ZNF287: variants seen among roughly 807,000 people sequenced by gnomAD.
The protein encoded by ZNF287 is zinc finger protein with KRAB and SCAN domains 13.
ZNF287 carries 31 observed loss-of-function variants against 73.7 expected under a neutral mutation model. The ratio of observed to expected loss-of-function variants is 0.42; its 90% CI spans 0.32 to 0.57. ZNF287 has a LOEUF of 0.57. Among genes scored for constraint, ZNF287 ranks in the 20% least tolerant of loss-of-function variants. The pLI is 0.13. For missense variants in ZNF287, 641 were observed against 909.3 expected (o/e 0.70, Z 3.79); for synonymous variants, 301 against 307.2 (o/e 0.98, Z 0.21).
At chr17:16,557,273 A>C (rs908571752) in intron 5 of ZNF287, among the ~76,000 whole-genome samples, 1 of 152,184 alleles carries the variant, frequency 6.6e-6, no homozygotes, top group Non-Finnish European at 1.5e-5. Context: ...GTTGGTTAAT[A>C]AGGACAAACA....
intron 3 of ZNF287, 53 bp from the exon 4 acceptor site, chr17:16,563,878 C>T: frequency 5.7e-6 from 9 of 1,583,998 alleles, no homozygotes; most frequent in Non-Finnish European, 7.7e-6. Flanking sequence ...GCAAAGGGGA[C>T]ACTGATAACA....
At position 16,550,449 on chromosome 17, in the gene ZNF287, C is replaced by T. The variant is rs1263725381; in HGVS notation, c.*1407G>A. On this transcript the variant is annotated 3_prime_UTR_variant, in exon 6 of 6. Transcript: ENST00000395825. ...TTTCCTCACTCCACTAAAATTTCACCTTTTCCCCGACCCACATTCTGCAGT... is the reference window on the plus strand; with the variant it reads ...TTTCCTCACTCCACTAAAATTTCACTTTTTCCCCGACCCACATTCTGCAGT... Among the ~76,000 whole-genome samples the T allele has an allele frequency of 6.6e-6, 1 of 152,104 alleles. No homozygotes were observed. Among genetic ancestry groups the T allele is most frequent in the African/African-American group, 2.4e-5 (1 of 41,424 alleles).
At position 16,550,132 on chromosome 17, in the gene ZNF287, G is replaced by T. The variant is rs1258059451; in HGVS notation, c.*1724C>A. Among the ~76,000 whole-genome samples the T allele has an allele frequency of 6.6e-6, 1 of 152,008 alleles. No individual in the cohort carries two copies. Among genetic ancestry groups the T allele is most frequent in the Non-Finnish European group, 1.5e-5 (1 of 67,962 alleles). On this transcript the variant is annotated 3_prime_UTR_variant, in exon 6 of 6. Transcript: ENST00000395825. ...ATAGTATTTTTATCTATTTCTATTT[G>T]CATTTCTGCCAGTTTTCCTTTTGAG... is the stretch of plus-strand genomic sequence containing the variant.
rs1344105691 is a variant in ZNF287, at chr17:16,549,455, A to G, written c.*2401T>C. On this transcript the variant is annotated 3_prime_UTR_variant, in exon 6 of 6. Coordinates refer to ENST00000395825, the MANE Select transcript of ZNF287 (RefSeq NM_020653.4). ...GAAATAAGTGCTGTGTGAGGGATGA[A>G]GCAGCATCAAAAAAATAAGATTTTC... is the stretch of plus-strand genomic sequence containing the variant. 2.0e-5 allele frequency among the ~76,000 whole-genome samples: 3 copies of G among 152,218 alleles called. No individual in the cohort carries two copies. The highest frequency in any genetic ancestry group is 4.8e-5 in the African/African-American group (2 of 41,448).
At position 16,551,859 on chromosome 17, in the gene ZNF287, A is replaced by T. The variant is rs1906684555; in HGVS notation, c.2283T>A (p.Asn761Lys). Residue 761 changes from asparagine (N) to lysine (K), a missense_variant, in exon 6 of 6, where the codon AAT becomes AAA. Physicochemically the swap from Asn to Lys is moderately conservative, Grantham distance 94. Transcript: ENST00000395825. ...QRVHTGAKHR[N>K] ...GAATTGAAGTTTCCCTTATCCATTAATTACGATGTTTGGCACCTGTATGAA... is the reference window on the plus strand; with the variant it reads ...GAATTGAAGTTTCCCTTATCCATTATTTACGATGTTTGGCACCTGTATGAA... The T allele has an allele frequency of 6.4e-7, 1 of 1,572,270 alleles. No individual in the cohort carries two copies. The highest frequency in any genetic ancestry group is 8.6e-7 in the Non-Finnish European group (1 of 1,159,402).
intron 5 of ZNF287, among the ~76,000 whole-genome samples, chr17:16,557,465 C>T (rs1951309753): frequency 1.3e-5 from 2 of 152,212 alleles, no homozygotes; most frequent in South Asian, 4.1e-4. Context: ...GGCCATCAAA[C>T]CAATACTACT....
chr17:16,547,682 T>C lies in ZNF287; in HGVS notation c.*4174A>G, dbSNP rs750564077. Among the ~76,000 whole-genome samples, 1 of 152,162 alleles carries C rather than the reference T, an allele frequency of 6.6e-6. No homozygotes were observed. Among genetic ancestry groups the C allele is most frequent in the Non-Finnish European group, 1.5e-5 (1 of 68,016 alleles). On this transcript the variant is annotated 3_prime_UTR_variant, in exon 6 of 6. Transcript: ENST00000395825. The stretch of plus-strand genomic sequence containing the variant: ...TAGTGCCCAGATCTTGGTTTCTAAA[T>C]AGCTACCTATTAAAAGGAGCCAGGG...
chr17:16,562,447 C>T (rs1215836089), intron 5 of ZNF287, among the ~76,000 whole-genome samples: 3 of 152,154 alleles, frequency 2.0e-5, no homozygotes, highest in Admixed American at 1.3e-4. Context: ...TTTATTGCCA[C>T]GCTTTTATCC....
chr17:16,555,176 T>C (rs887328333), intron 5 of ZNF287, among the ~76,000 whole-genome samples: 1 of 152,146 alleles, frequency 6.6e-6, no homozygotes, highest in Non-Finnish European at 1.5e-5. Context: ...CTAGATGATA[T>C]ATATGTATAT....
In ZNF287 at chr17:16,549,629, T is replaced by C. The variant is rs1353912749; in HGVS notation, c.*2227A>G. 2.0e-5 allele frequency among the ~76,000 whole-genome samples: 3 copies of C among 152,192 alleles called. No homozygotes were observed. The highest frequency in any genetic ancestry group is 2.9e-5 in the Non-Finnish European group (2 of 68,026). ...TTTTTAAAGAAAACACTCAATAATA[T>C]AGCCTTTAGGATACTAGCATCCTGG... On this transcript the variant is annotated 3_prime_UTR_variant, in exon 6 of 6. Coordinates refer to ENST00000395825, the MANE Select transcript of ZNF287 (RefSeq NM_020653.4).
At chr17:16,568,290 A>G (rs1597476326) in intron 1 of ZNF287, among the ~76,000 whole-genome samples, 1 of 152,160 alleles carries the variant, frequency 6.6e-6, no homozygotes. Context: ...AACAATAACA[A>G]AGTGAATCTG....
At chr17:16,561,743 G>T (rs1488325956) in intron 5 of ZNF287, among the ~76,000 whole-genome samples, 2 of 151,948 alleles carry the variant, frequency 1.3e-5, no homozygotes, top group African/African-American at 4.8e-5. Context: ...AAGAAAAAAG[G>T]CTGGGCAACA....
At chr17:16,553,452 T>C in intron 5 of ZNF287, 26 bp from the exon 6 acceptor site, 4 of 1,432,618 alleles carry the variant, frequency 2.8e-6, no homozygotes, top group African/African-American at 1.5e-5. Context: ...TATTAAAAAA[T>C]CTTCATTTAT....
Position 16,550,068 on chromosome 17 carries a change from T to TTA in ZNF287, c.*1786_*1787dup, listed in dbSNP as rs1233556807. Reference sequence around the variant, plus strand: ...AAATCTCAGTTCTCAGAATATGGCCTTATATTCTGGTAGTGGAATGCTGTA... The same window carrying TTA: ...AAATCTCAGTTCTCAGAATATGGCCTTATATATTCTGGTAGTGGAATGCTGTA... On this transcript the variant is annotated 3_prime_UTR_variant, in exon 6 of 6. Transcript: ENST00000395825. Among the ~76,000 whole-genome samples, 1 of 152,182 alleles carries TTA rather than the reference T, an allele frequency of 6.6e-6. No homozygotes were observed. Among genetic ancestry groups the TTA allele is most frequent in the East Asian group, 1.9e-4 (1 of 5,202 alleles).
At chr17:16,563,996 T>C (rs2142499484) in intron 3 of ZNF287, among the ~76,000 whole-genome samples, 171 bp from the exon 4 acceptor site, 1 of 152,312 alleles carries the variant, frequency 6.6e-6, no homozygotes. Flanking sequence ...CCCTACAGCA[T>C]CTCTCCATGA....
rs1304718257 is a variant in ZNF287 at position 16,548,305 on chromosome 17, T to C, written c.*3551A>G. ...TGATAATGAGTCAACCTGATATTAA[T>C]GAGACTTTTGATATGATGCACTATG... On this transcript the variant is annotated 3_prime_UTR_variant, in exon 6 of 6. Transcript: ENST00000395825. Among the ~76,000 whole-genome samples, 1 of 152,198 alleles carries C rather than the reference T, an allele frequency of 6.6e-6. No homozygotes were observed. The highest frequency in any genetic ancestry group is 1.9e-4 in the East Asian group (1 of 5,200).
chr17:16,560,473 C>A (rs1175783556), intron 5 of ZNF287, among the ~76,000 whole-genome samples: 1 of 150,892 alleles, frequency 6.6e-6, no homozygotes, highest in Non-Finnish European at 1.5e-5. Flanking sequence ...CCTCAGCCTC[C>A]CGAGTAGCTG....
rs189184952 is a variant in ZNF287, at chr17:16,551,060, G to T, written c.*796C>A. Among the ~76,000 whole-genome samples, 1 of 151,838 alleles carries T rather than the reference G, an allele frequency of 6.6e-6. No individual in the cohort carries two copies. The highest frequency in any genetic ancestry group is 1.9e-4 in the East Asian group (1 of 5,170). On this transcript the variant is annotated 3_prime_UTR_variant, in exon 6 of 6. Coordinates refer to ENST00000395825, the MANE Select transcript of ZNF287 (RefSeq NM_020653.4). ...TTTAATATTTCCATATCTGAGGGAA[G>T]GTGTAACCAGTGGTCACATAGAAAT...
chr17:16,567,748 G>A lies in ZNF287; in HGVS notation c.-17C>T. ...GGCTAACATTGCTACAGACAGGAGAGTCAATCTGGCAATATCCTTTATTTC... is the reference window on the plus strand; with the variant it reads ...GGCTAACATTGCTACAGACAGGAGAATCAATCTGGCAATATCCTTTATTTC... On this transcript the variant is annotated 5_prime_UTR_variant, in exon 2 of 6. Coordinates refer to ENST00000395825, the MANE Select transcript of ZNF287 (RefSeq NM_020653.4). 3 of 1,590,060 alleles carry A rather than the reference G, an allele frequency of 1.9e-6. No individual in the cohort carries two copies. The highest frequency in any genetic ancestry group is 2.6e-6 in the Non-Finnish European group (3 of 1,168,184).
Sources: allele counts gnomAD v4.1 joint callset (sites outside exome capture counted in the v4.1 genomes callset), GRCh38; gene constraint gnomAD v4.1.1; transcripts MANE v1.5; gene names NCBI Gene and HGNC (gene_info 2026-07-23, HGNC 2026-07-21).